The following RBM39 variants were observed in gnomAD, a reference collection of about 807,000 sequenced individuals.
RBM39 encodes the protein RNA binding motif protein 39.
In RBM39, 12 loss-of-function variants were observed where a neutral mutation model predicts 79.6. That is an observed-to-expected ratio of 0.15 (90% CI 0.10 to 0.24). The LOEUF (loss-of-function observed/expected upper bound fraction) is 0.24, where lower values mean the gene tolerates loss of function less well. RBM39 is among the 10% of genes least tolerant of loss of function. The pLI is 1.00. For missense variants in RBM39, 243 were observed against 653.4 expected, an observed-to-expected ratio of 0.37 and a Z score of 6.85; for synonymous variants, 185 against 208.4, an observed-to-expected ratio of 0.89 and a Z score of 0.97.
chr20:35,706,097 C>T (rs1021903820), intron 14 of RBM39, among the ~76,000 whole-genome samples: 5 of 151,560 alleles, frequency 3.3e-5, no homozygotes, highest in African/African-American at 9.7e-5. Context: ...CCAGCACTTT[C>T]GGATGCTGAA....
At chr20:35,735,039 C>CCT (rs772128437) in intron 3 of RBM39, 1 of 1,590,880 alleles carries the variant, frequency 6.3e-7, no homozygotes, top group African/African-American at 1.4e-5. Flanking sequence ...CTGGATTTGA[C>CCT]CTCTTCCATG....
rs2040622342 is a variant in RBM39 at position 35,742,180 on chromosome 20, G to C, written c.-253C>G. Reference sequence around the variant, plus strand: ...CAGGACGGCGGCTTCGGCAGCTCAGGATCCACCCCTGCGACAGCGTCGACA... The same window carrying C: ...CAGGACGGCGGCTTCGGCAGCTCAGCATCCACCCCTGCGACAGCGTCGACA... On this transcript the variant is annotated 5_prime_UTR_variant, in exon 1 of 17. It adds an upstream start codon to the 5' untranslated region. Transcript: ENST00000253363. The C allele has an allele frequency of 6.3e-6, 1 of 159,768 alleles. No individual in the cohort carries two copies. 9.9% of individuals were successfully genotyped at this position (159,768 alleles called of 1,614,324 possible).
rs72096088 is a variant in RBM39, at chr20:35,741,987, T to TTGCTGCTGC, written c.-69_-61dup. 58 of 249,578 alleles carry TTGCTGCTGC rather than the reference T, an allele frequency of 2.3e-4. 5 individuals are homozygous for TTGCTGCTGC. The highest frequency in any genetic ancestry group is 1.6e-3 in the South Asian group (39 of 24,936). The allele number at this position is 249,578 out of a possible 1,614,324, so 15.5% of individuals were successfully genotyped here. On this transcript the variant is annotated 5_prime_UTR_variant, in exon 1 of 17. Transcript: ENST00000253363. Reference sequence around the variant, plus strand: ...TGTGGTGCTCGTGTTCGGGAAGAGATTGCTGCTGCTGCTGCTGCTGCTGCC... The same window carrying TTGCTGCTGC: ...TGTGGTGCTCGTGTTCGGGAAGAGATTGCTGCTGCTGCTGCTGCTGCTGCTGCTGCTGCC...
intron 14 of RBM39, 69 bp downstream of exon 14, chr20:35,707,051 A>G: frequency 6.1e-6 from 4 of 653,386 alleles, no homozygotes; most frequent in East Asian, 3.7e-5. Context: ...AAAAAAAAAA[A>G]GAGAAATATA....
intron 14 of RBM39, among the ~76,000 whole-genome samples, chr20:35,706,093 C>T (rs6060572): frequency 0.13 from 20,511 of 152,128 alleles, 1,563 homozygotes; most frequent in African/African-American, 0.21. Flanking sequence ...AATCCCAGCA[C>T]TTTCGGATGC....
intron 3 of RBM39, chr20:35,736,412 A>G (rs1169812878): frequency 1.3e-5 from 4 of 313,352 alleles, no homozygotes. Flanking sequence ...CCATTACCAC[A>G]TTATTTTAGG....
In RBM39 at chr20:35,738,995, G is replaced by A; in HGVS notation, c.74C>T (p.Ala25Val). Reference sequence around the variant, plus strand: ...TTTGCTACGTTCTTCATGGCCGTTGGCACTGCTCAACTTGTTCTCATCCTA... The same window carrying A: ...TTTGCTACGTTCTTCATGGCCGTTGACACTGCTCAACTTGTTCTCATCCTA... Reference protein sequence around the residue: ...YKKDENKLSSANGHEERSKKR... With the variant: ...YKKDENKLSSVNGHEERSKKR... The change falls in exon 3 of 17, where the codon GCC becomes GTC. Residue 25 changes from alanine to valine, a missense_variant. Coordinates refer to ENST00000253363, the MANE Select transcript of RBM39 (RefSeq NM_184234.3). 6.2e-7 allele frequency: 1 copy of A among 1,613,480 alleles called. No individual in the cohort carries two copies. The highest frequency in any genetic ancestry group is 8.5e-7 in the Non-Finnish European group (1 of 1,179,406).
chr20:35,739,185 A>AACC (rs2040279635), intron 2 of RBM39, 168 bp from the exon 3 acceptor site: 1 of 666,062 alleles, frequency 1.5e-6, no homozygotes, highest in Non-Finnish European at 2.7e-6. Flanking sequence ...GTATGTGTTT[A>AACC]ACCACTTTGT....
At chr20:35,740,439 G>T in intron 2 of RBM39, 1 of 766,658 alleles carries the variant, frequency 1.3e-6, no homozygotes, top group Non-Finnish European at 1.9e-6. Context: ...TCACCTTTTT[G>T]CTATACCAAA....
In RBM39 at chr20:35,702,415, T is replaced by C. The variant is rs538276055; in HGVS notation, c.*2066A>G. 1.3e-5 allele frequency: 2 copies of C among 152,230 alleles called. No individual in the cohort carries two copies. The highest frequency in any genetic ancestry group is 2.9e-5 in the Non-Finnish European group (2 of 68,044). 9.4% of individuals were successfully genotyped at this position (152,230 alleles called of 1,614,324 possible). On this transcript the variant is annotated 3_prime_UTR_variant, in exon 17 of 17. Transcript: ENST00000253363. ...AACCACATTTCCTCTGAACATTATT[T>C]ACACACCAAATTTCACTCTGGTAGC...
chr20:35,726,232 A>C (rs1195322700), intron 6 of RBM39, among the ~76,000 whole-genome samples: 5 of 152,058 alleles, frequency 3.3e-5, no homozygotes. Context: ...CCAGGGTTCA[A>C]GCAATTCTTC....
At chr20:35,737,869 A>T (rs2040123877) in intron 3 of RBM39, among the ~76,000 whole-genome samples, 1 of 145,232 alleles carries the variant, frequency 6.9e-6, no homozygotes, top group Non-Finnish European at 1.5e-5. Context: ...AAAAAAAAAA[A>T]AAGGCCAGGC....
rs565124982 is a variant in RBM39, at chr20:35,729,671, C to G, written c.297-144G>C. 4 of 712,078 alleles carry G rather than the reference C, an allele frequency of 5.6e-6. No homozygotes were observed. In the Admixed American group the frequency reaches 1.3e-4, roughly 22 times the overall value. The allele number at this position is 712,078 out of a possible 1,614,324, so 44.1% of individuals were successfully genotyped here. A position where few individuals can be genotyped will look rare whatever the true frequency, so the allele number is the denominator to read the frequency against. ...GAAGAGGAAACAAAAATACTTGTCT[C>G]TTAACTTTATTCCCAGGCAAGCTGC... On this transcript the variant is annotated intron_variant, in intron 4 of 16. Transcript: ENST00000253363.
chr20:35,725,258 T>C, intron 6 of RBM39, 103 bp from the exon 7 acceptor site: 1 of 792,784 alleles, frequency 1.3e-6, no homozygotes, highest in Non-Finnish European at 2.0e-6. Flanking sequence ...CAGGTACAGG[T>C]GGGTTTTGGT....
At chr20:35,724,319 T>TC (rs1053237646) in intron 8 of RBM39, among the ~76,000 whole-genome samples, 2 of 144,660 alleles carry the variant, frequency 1.4e-5, no homozygotes, top group African/African-American at 2.6e-5. Flanking sequence ...TGAGAGAGAC[T>TC]CCATCTCAAA....
chr20:35,708,250 A>G (rs1266760889), intron 13 of RBM39, among the ~76,000 whole-genome samples: 2 of 152,078 alleles, frequency 1.3e-5, no homozygotes, highest in African/African-American at 2.4e-5. Context: ...TCGAGAGTGT[A>G]TTATAACTGT....
At chr20:35,731,855 T>A (rs1409713496) in intron 4 of RBM39, 86 bp downstream of exon 4, 16 of 1,232,810 alleles carry the variant, frequency 1.3e-5, no homozygotes, top group Non-Finnish European at 1.9e-5. Flanking sequence ...AAATAAAAAT[T>A]CACAATTCAA....
chr20:35,723,300 A>G (rs1228255194), intron 8 of RBM39, among the ~76,000 whole-genome samples: 2 of 152,084 alleles, frequency 1.3e-5, no homozygotes, highest in East Asian at 1.9e-4. Flanking sequence ...AAACTAGAGT[A>G]CATTGGATAG....
intron 13 of RBM39, 180 bp downstream of exon 13, chr20:35,709,044 T>C: frequency 2.2e-6 from 1 of 461,524 alleles, no homozygotes; most frequent in Non-Finnish European, 3.8e-6. Flanking sequence ...AGTCCATTAA[T>C]TTGGGTTAGG....
Sources: allele counts gnomAD v4.1 joint callset (sites outside exome capture counted in the v4.1 genomes callset), GRCh38; gene constraint gnomAD v4.1.1; transcripts MANE v1.5; gene names NCBI Gene and HGNC (gene_info 2026-07-23, HGNC 2026-07-21).